Variants in RTN4 observed in about 807,000 individuals in gnomAD.
The protein encoded by RTN4 is reticulon 4.
A neutral mutation model predicts 90.4 loss-of-function variants in RTN4; 32 were observed. The ratio of observed to expected loss-of-function variants is 0.35; its 90% CI spans 0.27 to 0.48. RTN4 has a LOEUF of 0.48. Ranked by LOEUF, RTN4 falls within the 20% of genes least tolerant of loss-of-function variation. RTN4 has a pLI of 0.99. For missense variants in RTN4, 1,706 were observed against 1,430.2 expected (o/e 1.19, Z -3.11); for synonymous variants, 629 against 552.5 (o/e 1.14, Z -1.94).
chr2:55,099,859 C>A (rs1018640539), intron 1 of RTN4, among the ~76,000 whole-genome samples: 1 of 152,064 alleles, frequency 6.6e-6, no homozygotes, highest in Non-Finnish European at 1.5e-5. Flanking sequence ...TAGAATAGGG[C>A]CTGGCACATA....
chr2:55,114,784 C>T (rs1423313842), upstream of RTN4, among the ~76,000 whole-genome samples: 3 of 152,160 alleles, frequency 2.0e-5, no homozygotes, highest in Non-Finnish European at 4.4e-5. Flanking sequence ...TAAAAAGGCA[C>T]GTTCCTCCTC....
intron 2 of RTN4, among the ~76,000 whole-genome samples, chr2:55,057,543 G>A (rs374706780): frequency 3.8e-4 from 58 of 152,232 alleles, no homozygotes; most frequent in African/African-American, 1.3e-3. Context: ...CATAGCTAAG[G>A]TGAAGCCATG....
At chr2:55,094,395 G>C (rs935092529) in intron 1 of RTN4, among the ~76,000 whole-genome samples, 5 of 152,162 alleles carry the variant, frequency 3.3e-5, no homozygotes, top group African/African-American at 7.2e-5. Context: ...AGCTGACAAA[G>C]AGAGTGTTTT....
chr2:55,014,936 T>C (rs957063798), intron 3 of RTN4, among the ~76,000 whole-genome samples: 1 of 152,216 alleles, frequency 6.6e-6, no homozygotes, highest in Non-Finnish European at 1.5e-5. Flanking sequence ...TTTAAGGTCA[T>C]TTCATAATGT....
At chr2:54,988,603 T>C (rs1678766293) in intron 3 of RTN4, among the ~76,000 whole-genome samples, 1 of 152,096 alleles carries the variant, frequency 6.6e-6, no homozygotes, top group Admixed American at 6.5e-5. Context: ...CTGGCTATCA[T>C]TAAAAGAAGA....
At chr2:55,041,383 G>C (rs1251103993) in intron 1 of RTN4, among the ~76,000 whole-genome samples, 1 of 151,588 alleles carries the variant, frequency 6.6e-6, no homozygotes, top group African/African-American at 2.4e-5. Flanking sequence ...AGAGGGAGAG[G>C]GGACAAGATA....
At chr2:55,065,449 A>G (rs1668372371) in intron 2 of RTN4, among the ~76,000 whole-genome samples, 1 of 152,196 alleles carries the variant, frequency 6.6e-6, no homozygotes, top group African/African-American at 2.4e-5. Flanking sequence ...AAATTAATGG[A>G]TATCCACCAA....
chr2:55,108,346 A>C (rs1195137149), intron 1 of RTN4, among the ~76,000 whole-genome samples: 2 of 152,048 alleles, frequency 1.3e-5, no homozygotes, highest in Non-Finnish European at 2.9e-5. Context: ...GTAATCCCCA[A>C]ATTCTAAGCT....
At chr2:55,040,085 A>G (rs1411773171) in intron 1 of RTN4, among the ~76,000 whole-genome samples, 1 of 152,184 alleles carries the variant, frequency 6.6e-6, no homozygotes, top group Admixed American at 6.5e-5. Flanking sequence ...TCCTTATGGC[A>G]GATCTCTGTG....
chr2:55,027,126 C>A lies in RTN4; in HGVS notation c.973G>T (p.Val325Leu), dbSNP rs200885212. ...TTCTCTTCTTCATCTTTATTTTTCA[C>A]GATTATTTCTTCCCTAGGATTTGCT... ...IVANPREEII[V>L]KNKDEEEKLV... Residue 325 changes from valine (V) to leucine (L), a missense_variant, in exon 3 of 9, where the codon GTG (valine) becomes TTG (leucine). Transcript: ENST00000337526. 5.0e-6 allele frequency: 8 copies of A among 1,613,264 alleles called. No homozygotes were observed. Among genetic ancestry groups the A allele is most frequent in the South Asian group, 4.4e-5 (4 of 91,058 alleles).
intron 2 of RTN4, among the ~76,000 whole-genome samples, chr2:55,059,080 A>G (rs1444395065): frequency 2.0e-5 from 3 of 152,108 alleles, no homozygotes; most frequent in African/African-American, 7.2e-5. Flanking sequence ...TTCTAATTCC[A>G]GGTTTATCTC....
At chr2:55,058,994 C>A (rs1292738409) in intron 2 of RTN4, among the ~76,000 whole-genome samples, 1 of 152,102 alleles carries the variant, frequency 6.6e-6, no homozygotes, top group Non-Finnish European at 1.5e-5. Context: ...CAGGCATGAG[C>A]CACCATGCCT....
chr2:55,072,524 C>G (rs542767297), intron 2 of RTN4, among the ~76,000 whole-genome samples: 1 of 152,190 alleles, frequency 6.6e-6, no homozygotes, highest in African/African-American at 2.4e-5. Flanking sequence ...CCACCGCACC[C>G]GGCCCAGTAT....
the RTN4 span, among the ~76,000 whole-genome samples, chr2:55,134,938 G>C: frequency 6.6e-6 from 1 of 152,162 alleles, no homozygotes; most frequent in Admixed American, 6.5e-5. Context: ...TTGAGCACTT[G>C]AAATGTGAGT....
chr2:55,118,403 T>C, the RTN4 span, among the ~76,000 whole-genome samples: 2 of 151,904 alleles, frequency 1.3e-5, no homozygotes, highest in Non-Finnish European at 2.9e-5. Flanking sequence ...AGGTCAAGGC[T>C]GCAGCGAGCT....
At position 55,028,235 on chromosome 2, in the gene RTN4, G is replaced by C. The variant is rs201096502; in HGVS notation, c.557-15C>G. On this transcript the variant is annotated splice_polypyrimidine_tract_variant and intron_variant, in intron 1 of 8. Coordinates refer to ENST00000337526, the MANE Select transcript of RTN4 (RefSeq NM_020532.5). ...AAGGGTCTCATCTGAAAAACAAATA[G>C]AATATAACCTCAGCAGAAATAAAGA... 2.9e-5 allele frequency: 47 copies of C among 1,608,608 alleles called. No homozygotes were observed. The Admixed American group carries it at 3.0e-4, about 10-fold the overall frequency.
upstream of RTN4, among the ~76,000 whole-genome samples, chr2:55,053,350 C>T (rs775505915): frequency 6.6e-6 from 1 of 152,120 alleles, no homozygotes; most frequent in Non-Finnish European, 1.5e-5. Flanking sequence ...ATTCTAGATA[C>T]TAATAATAGT....
At chr2:54,986,434 A>T (rs1388895268) in intron 4 of RTN4, among the ~76,000 whole-genome samples, 1 of 152,240 alleles carries the variant, frequency 6.6e-6, no homozygotes, top group Non-Finnish European at 1.5e-5. Flanking sequence ...AACCAGCTAC[A>T]TGAATGAGCA....
At position 54,993,075 on chromosome 2, in the gene RTN4, G is replaced by GAA. The variant is rs61127530; in HGVS notation, c.3014-5379_3014-5378dup. ...GGCAACAGAGCGAGACTCCATCTCG[G>GAA]AAAAAAAAAAAAAAAAAAGAAAAGA... is the stretch of plus-strand genomic sequence containing the variant. On this transcript the variant is annotated intron_variant, in intron 3 of 8. Coordinates refer to ENST00000337526, the MANE Select transcript of RTN4 (RefSeq NM_020532.5). Among the ~76,000 whole-genome samples the GAA allele has an allele frequency of 1.0e-2, 644 of 64,610 alleles. 2 individuals carry two copies. Among genetic ancestry groups the GAA allele is most frequent in the African/African-American group, 0.029 (609 of 20,762 alleles). The allele number at this position is 64,610 out of a possible 152,430, so 42.4% of individuals were successfully genotyped here. A position where few individuals can be genotyped will look rare whatever the true frequency, so the allele number is the denominator to read the frequency against.
Sources: allele counts gnomAD v4.1 joint callset (sites outside exome capture counted in the v4.1 genomes callset), GRCh38; gene constraint gnomAD v4.1.1; transcripts MANE v1.5; gene names NCBI Gene and HGNC (gene_info 2026-07-23, HGNC 2026-07-21).